Variants in TMEM8B observed in about 807,000 individuals in gnomAD.
TMEM8B encodes the protein nasopharyngeal carcinoma expressed 6.
Under a neutral mutation model 49.3 loss-of-function variants are expected in TMEM8B, and 29 were observed. That is an observed-to-expected ratio of 0.59 (90% CI 0.44 to 0.80). TMEM8B has a LOEUF of 0.80. Among genes scored for constraint, TMEM8B ranks in the 30% least tolerant of loss-of-function variants. The probability of loss-of-function intolerance (pLI) is 0.00; values close to 1 mark genes in which losing one functional copy is unlikely to be tolerated. For synonymous variants in TMEM8B, 264 were observed against 272.8 expected (o/e 0.97, Z 0.32); for missense variants, 575 against 658.5 (o/e 0.87, Z 1.39).
In TMEM8B at chr9:35,834,611, G is replaced by A. The variant is rs1224844888; in HGVS notation, c.659G>A (p.Gly220Glu). The A allele has an allele frequency of 1.2e-5, 5 of 415,798 alleles. No individual in the cohort carries two copies. Among genetic ancestry groups the A allele is most frequent in the East Asian group, 7.1e-5 (2 of 28,096 alleles). The allele number at this position is 415,798 out of a possible 1,614,324, so 25.8% of individuals were successfully genotyped here. A position where few individuals can be genotyped will look rare whatever the true frequency, so the allele number is the denominator to read the frequency against. ...WNLIIFKEQG[G>E]TFGDHCPDQS... ...CTCATCATCTTCAAGGAGCAAGGGG[G>A]AACTTTTGGGGACCACTGCCCAGAC... Residue 220 changes from glycine to glutamate, a missense_variant, in exon 2 of 13, where the codon GGA becomes GAA. Physicochemically the swap from Gly to Glu is moderately conservative, Grantham distance 98. Coordinates refer to ENST00000643932, the MANE Select transcript of TMEM8B (RefSeq NM_001042590.4).
Position 35,864,444 on chromosome 9 carries a change from G to C in TMEM8B, c.*10604G>C, listed in dbSNP as rs1588200705. ...ATTCCTGCTTCCTGGCTGTGTGGCA[G>C]AGAAGATGAGGATGGCCCTGGAGTC... On this transcript the variant is annotated 3_prime_UTR_variant, in exon 13 of 13. Transcript: ENST00000643932. 6.6e-6 allele frequency: 1 copy of C among 152,254 alleles called. No homozygotes were observed. Among genetic ancestry groups the C allele is most frequent in the Non-Finnish European group, 1.5e-5 (1 of 68,044 alleles). 9.4% of individuals were successfully genotyped at this position (152,254 alleles called of 1,614,324 possible). A position where few individuals can be genotyped will look rare whatever the true frequency, so the allele number is the denominator to read the frequency against.
chr9:35,841,859 C>T lies in TMEM8B; in HGVS notation c.1309+65C>T. 2.4e-6 allele frequency: 1 copy of T among 415,052 alleles called. No homozygotes were observed. The highest frequency in any genetic ancestry group is 4.4e-6 in the Non-Finnish European group (1 of 226,322). The allele number at this position is 415,052 out of a possible 1,614,324, so 25.7% of individuals were successfully genotyped here. A position where few individuals can be genotyped will look rare whatever the true frequency, so the allele number is the denominator to read the frequency against. On this transcript the variant is annotated intron_variant, in intron 5 of 12. Coordinates refer to ENST00000643932, the MANE Select transcript of TMEM8B (RefSeq NM_001042590.4). This position sits in a 1 kb window ranked among gnomAD's most constrained non-coding sequence, Gnocchi z 5.9. Reference sequence around the variant, plus strand: ...TGTGGTTGGGAAGTGACTTGGGTGGCTGTGTTCAGTGGCCCTCTGCCATAT... The same window carrying T: ...TGTGGTTGGGAAGTGACTTGGGTGGTTGTGTTCAGTGGCCCTCTGCCATAT...
Position 35,829,622 on chromosome 9 carries a change from C to T in TMEM8B, c.175C>T (p.His59Tyr). The T allele has an allele frequency of 7.5e-6, 3 of 400,298 alleles. No homozygotes were observed. The highest frequency in any genetic ancestry group is 1.3e-5 in the Non-Finnish European group (3 of 226,926). The allele number at this position is 400,298 out of a possible 1,614,324, so 24.8% of individuals were successfully genotyped here. ...CCCATCCCGGCCTCGGCCCTCGTTC[C>T]ACCCCCTGTCACAAATCCCAGCCCA... ...WPPSRPRPSF[H>Y]PLSQIPAQAL... Residue 59 changes from histidine (H) to tyrosine (Y), a missense_variant, in exon 1 of 13, where the codon CAC (histidine) becomes TAC (tyrosine). Transcript: ENST00000643932.
At position 35,829,470 on chromosome 9, in the gene TMEM8B, C is replaced by T. The variant is rs1308906293; in HGVS notation, c.23C>T (p.Pro8Leu). The change falls in exon 1 of 13, where the codon CCC becomes CTC. Residue 8 changes from proline (P) to leucine (L), a missense_variant. Physicochemically the swap from Pro to Leu is moderately conservative, Grantham distance 98. Coordinates refer to ENST00000643932, the MANE Select transcript of TMEM8B (RefSeq NM_001042590.4). MAQPLSR[P>L]LVLSQSPPWP... ...GCCATGGCCCAGCCCTTGTCCCGGCCCCTCGTCCTATCCCAATCCCCGCCT... is the reference window on the plus strand; with the variant it reads ...GCCATGGCCCAGCCCTTGTCCCGGCTCCTCGTCCTATCCCAATCCCCGCCT... 2 of 367,596 alleles carry T rather than the reference C, an allele frequency of 5.4e-6. No individual in the cohort carries two copies. Among genetic ancestry groups the T allele is most frequent in the Non-Finnish European group, 4.8e-6 (1 of 206,314 alleles). 22.8% of individuals were successfully genotyped at this position (367,596 alleles called of 1,614,324 possible).
At chr9:35,850,266 C>A (rs991430611) in intron 10 of TMEM8B, among the ~76,000 whole-genome samples, 1 of 152,182 alleles carries the variant, frequency 6.6e-6, no homozygotes, top group South Asian at 2.1e-4. Context: ...AAAAACCTTG[C>A]AGGATAATTT....
At position 35,830,571 on chromosome 9, in the gene TMEM8B, A is replaced by G. The variant is rs543191441; in HGVS notation, c.508+616A>G. On this transcript the variant is annotated intron_variant, in intron 1 of 12. Transcript: ENST00000643932. Reference sequence around the variant, plus strand: ...GAAACTGAGGCTCAGGGAGGGAGCAATTTGTCCAAAGTCAGAGAGCTTGTG... The same window carrying G: ...GAAACTGAGGCTCAGGGAGGGAGCAGTTTGTCCAAAGTCAGAGAGCTTGTG... 7.2e-5 allele frequency among the ~76,000 whole-genome samples: 11 copies of G among 152,296 alleles called. No individual in the cohort carries two copies. In the South Asian group the frequency reaches 1.7e-3, roughly 23 times the overall value.
At position 35,857,852 on chromosome 9, in the gene TMEM8B, G is replaced by A. The variant is rs118137738; in HGVS notation, c.*4012G>A. ...AAGGCTGAGTGTGAAGTGAGGGGCA[G>A]TAAGGGCACACTAGAATCCAGAAGG... On this transcript the variant is annotated 3_prime_UTR_variant, in exon 13 of 13. Coordinates refer to ENST00000643932, the MANE Select transcript of TMEM8B (RefSeq NM_001042590.4). 2,147 of 152,348 alleles carry A rather than the reference G, an allele frequency of 0.014. 24 individuals carry two copies. The highest frequency in any genetic ancestry group is 0.035 in the South Asian group (171 of 4,824). The allele number at this position is 152,348 out of a possible 1,614,324, so 9.4% of individuals were successfully genotyped here. A position where few individuals can be genotyped will look rare whatever the true frequency, so the allele number is the denominator to read the frequency against.
Position 35,829,300 on chromosome 9 carries a change from A to G in TMEM8B, c.-148A>G, listed in dbSNP as rs1829587168. Reference sequence around the variant, plus strand: ...GGTTCAGCGCAGCCCGGAGTCGCCCAGGCCTGAACTCCTACCCAGGTCCCC... The same window carrying G: ...GGTTCAGCGCAGCCCGGAGTCGCCCGGGCCTGAACTCCTACCCAGGTCCCC... On this transcript the variant is annotated 5_prime_UTR_variant, in exon 1 of 13. Transcript: ENST00000643932. 2.7e-6 allele frequency: 1 copy of G among 364,462 alleles called. No homozygotes were observed. Among genetic ancestry groups the G allele is most frequent in the East Asian group, 4.1e-5 (1 of 24,652 alleles). 22.6% of individuals were successfully genotyped at this position (364,462 alleles called of 1,614,324 possible).
chr9:35,846,774 C>A, intron 9 of TMEM8B, 43 bp from the exon 10 acceptor site: 1 of 1,581,578 alleles, frequency 6.3e-7, no homozygotes, highest in Non-Finnish European at 8.6e-7. Context: ...AGGCCCATAG[C>A]TGCCGTCTGT....
chr9:35,853,075 T>C lies in TMEM8B; in HGVS notation c.2323-66T>C. ...CATTTCCAAGTGCCTCTCATGATTCTGACCCAGGCCCTGGAGTGCTGTCTG... is the reference window on the plus strand; with the variant it reads ...CATTTCCAAGTGCCTCTCATGATTCCGACCCAGGCCCTGGAGTGCTGTCTG... On this transcript the variant is annotated intron_variant, in intron 11 of 12. Coordinates refer to ENST00000643932, the MANE Select transcript of TMEM8B (RefSeq NM_001042590.4). The surrounding 1 kb of genome is among the most constrained non-coding windows in gnomAD (Gnocchi z 4.2). 2 of 1,608,846 alleles carry C rather than the reference T, an allele frequency of 1.2e-6. No homozygotes were observed. Among genetic ancestry groups the C allele is most frequent in the Non-Finnish European group, 1.7e-6 (2 of 1,175,898 alleles).
chr9:35,834,622 G>A lies in TMEM8B; in HGVS notation c.670G>A (p.Asp224Asn), dbSNP rs1283598339. The A allele has an allele frequency of 4.6e-5, 19 of 415,752 alleles. No homozygotes were observed. Among genetic ancestry groups the A allele is most frequent in the Non-Finnish European group, 4.4e-6 (1 of 226,426 alleles). The allele number at this position is 415,752 out of a possible 1,614,324, so 25.8% of individuals were successfully genotyped here. ...CAAGGAGCAAGGGGGAACTTTTGGG[G>A]ACCACTGCCCAGACCAAAGTGTGAC... ...IFKEQGGTFG[D>N]HCPDQSVTVY... The change falls in exon 2 of 13, where the codon GAC becomes AAC. Residue 224 changes from aspartate (D) to asparagine (N), a missense_variant. Physicochemically the swap from Asp to Asn is conservative, Grantham distance 23. Coordinates refer to ENST00000643932, the MANE Select transcript of TMEM8B (RefSeq NM_001042590.4).
chr9:35,845,387 T>G (rs1831422152), intron 6 of TMEM8B: 7 of 985,318 alleles, frequency 7.1e-6, no homozygotes, highest in African/African-American at 1.7e-5. Flanking sequence ...GAGGTGAGCT[T>G]ATGGCATCCT....
intron 3 of TMEM8B, among the ~76,000 whole-genome samples, chr9:35,840,366 C>T (rs1830850175): frequency 6.6e-6 from 1 of 152,138 alleles, no homozygotes. Flanking sequence ...GCAAGGTCAG[C>T]GCTTCCCCCA....
Position 35,834,629 on chromosome 9 carries a change from GC to G in TMEM8B, c.680del (p.Pro227GlnfsTer5). 2.4e-6 allele frequency: 1 copy of G among 415,872 alleles called. No homozygotes were observed. The allele number at this position is 415,872 out of a possible 1,614,324, so 25.8% of individuals were successfully genotyped here. On this transcript the variant is annotated frameshift_variant, in exon 2 of 13. Transcript: ENST00000643932. LOFTEE classifies it high-confidence loss of function. ...KEQGGTFGDHCPDQSVTVYFR... is the reference protein window; with the variant it reads ...KEQGGTFGDHXPDQSVTVYFR... ...CAAGGGGGAACTTTTGGGGACCACT[GC>G]CCAGACCAAAGTGTGACTGTGTGAG...
chr9:35,852,044 GAC>G (rs1379378120), intron 10 of TMEM8B, among the ~76,000 whole-genome samples: 6 of 152,184 alleles, frequency 3.9e-5, no homozygotes, highest in Non-Finnish European at 7.3e-5. Context: ...TGTCCAGAGA[GAC>G]AATCTGGACA....
chr9:35,846,105 T>C (rs1341474258), intron 7 of TMEM8B, 37 bp downstream of exon 7: 1 of 1,593,972 alleles, frequency 6.3e-7, no homozygotes, highest in Non-Finnish European at 8.5e-7. Context: ...GAAGCTGCAG[T>C]GTGGGGGTGG....
At chr9:35,849,272 T>G (rs543976110) in intron 10 of TMEM8B, among the ~76,000 whole-genome samples, 2 of 152,350 alleles carry the variant, frequency 1.3e-5, no homozygotes, top group South Asian at 2.1e-4. Context: ...TTGGGAGTAG[T>G]AATCCATTCT....
chr9:35,834,624 C>T lies in TMEM8B; in HGVS notation c.672C>T (p.Asp224=). The T allele has an allele frequency of 2.4e-6, 1 of 415,900 alleles. No homozygotes were observed. The highest frequency in any genetic ancestry group is 4.4e-6 in the Non-Finnish European group (1 of 226,430). The allele number at this position is 415,900 out of a possible 1,614,324, so 25.8% of individuals were successfully genotyped here. ...AGGAGCAAGGGGGAACTTTTGGGGA[C>T]CACTGCCCAGACCAAAGTGTGACTG... is the stretch of plus-strand genomic sequence containing the variant. ...IFKEQGGTFG[D]HCPDQSVTVY... The change falls in exon 2 of 13, where the codon GAC becomes GAT. Residue 224 remains aspartate (D), a synonymous_variant. Transcript: ENST00000643932.
In TMEM8B at chr9:35,842,505, G is replaced by A; in HGVS notation, c.1423G>A (p.Ala475Thr). ...PPEPPSLGTP[A>T]EGPGTTSPPE... is the part of the protein sequence containing the mutation. ...AGAACCGCCATCCCTTGGAACCCCT[G>A]CGGAGGGGCCTGGGACCACGTCCCC... The change falls in exon 6 of 13, where the codon GCG becomes ACG. Residue 475 changes from alanine to threonine, a missense_variant. Transcript: ENST00000643932. The surrounding 1 kb of genome is among the most constrained non-coding windows in gnomAD (Gnocchi z 5.6). 6.2e-7 allele frequency: 1 copy of A among 1,611,600 alleles called. No homozygotes were observed. The highest frequency in any genetic ancestry group is 8.5e-7 in the Non-Finnish European group (1 of 1,178,452).
Sources: allele counts gnomAD v4.1 joint callset (sites outside exome capture counted in the v4.1 genomes callset), GRCh38; gene constraint gnomAD v4.1.1; non-coding constraint Gnocchi (gnomAD v3.1); transcripts MANE v1.5; gene names NCBI Gene and HGNC (gene_info 2026-07-23, HGNC 2026-07-21).